Variants in FBXL2 observed in about 807,000 individuals in gnomAD.
FBXL2 encodes the protein F-box and leucine rich repeat protein 2.
FBXL2 carries 38 observed loss-of-function variants against 69.2 expected under a neutral mutation model. The ratio of observed to expected loss-of-function variants is 0.55; its 90% CI spans 0.42 to 0.72. The LOEUF is 0.72. Among genes scored for constraint, FBXL2 ranks in the 30% least tolerant of loss-of-function variants. The pLI, the probability that FBXL2 is intolerant of heterozygous loss-of-function variation, is 0.00. For synonymous variants in FBXL2, 192 were observed against 201.3 expected, an observed-to-expected ratio of 0.95 and a Z score of 0.39; for missense variants, 354 against 520.3, an observed-to-expected ratio of 0.68 and a Z score of 3.11.
chr3:33,328,078 C>T (rs1160721309), intron 2 of FBXL2, among the ~76,000 whole-genome samples: 1 of 151,336 alleles, frequency 6.6e-6, no homozygotes, highest in Admixed American at 6.6e-5. Context: ...GAAAAAGACA[C>T]TGAAAAAAGC....
chr3:33,297,938 TG>T, intron 2 of FBXL2: 2 of 596,796 alleles, frequency 3.4e-6, no homozygotes, highest in Non-Finnish European at 6.2e-6. Context: ...TACATAGCAT[TG>T]GTCTGGATTC....
downstream of FBXL2, chr3:33,392,504 G>C: frequency 6.9e-7 from 1 of 1,445,676 alleles, no homozygotes; most frequent in South Asian, 1.3e-5. Flanking sequence ...GCACTAATTA[G>C]AGGCACACAC....
Position 33,277,517 on chromosome 3 carries a change from T to C in FBXL2, c.3+2T>C. 1 of 1,304,748 alleles carries C rather than the reference T, an allele frequency of 7.7e-7. No homozygotes were observed. 80.8% of individuals were successfully genotyped at this position (1,304,748 alleles called of 1,614,324 possible). On this transcript the variant is annotated splice_donor_variant, in intron 1 of 14. Coordinates refer to ENST00000484457, the MANE Select transcript of FBXL2 (RefSeq NM_012157.5). LOFTEE classifies it high-confidence loss of function. ...CTCGCTCGCGGCTCTTCGGCCATGG[T>C]GAGTCTGGGACCCGCGTCTGCCTAG...
rs1047003807 is a variant in FBXL2, at chr3:33,387,704, C to T, written c.*2096C>T. 1.1e-4 allele frequency: 16 copies of T among 152,198 alleles called. No individual in the cohort carries two copies. The highest frequency in any genetic ancestry group is 3.6e-4 in the African/African-American group (15 of 41,444). 9.4% of individuals were successfully genotyped at this position (152,198 alleles called of 1,614,324 possible). On this transcript the variant is annotated 3_prime_UTR_variant, in exon 15 of 15. Coordinates refer to ENST00000484457, the MANE Select transcript of FBXL2 (RefSeq NM_012157.5). ...AGCCAGGATACAACCTATCATCAGT[C>T]ACAGCTATTGGACTTGATGCTCAAT...
At chr3:33,296,858 T>A (rs546826045) in intron 1 of FBXL2, among the ~76,000 whole-genome samples, 1 of 152,310 alleles carries the variant, frequency 6.6e-6, no homozygotes, top group East Asian at 1.9e-4. Flanking sequence ...CTTTTCAAGA[T>A]GATTTTAGTT....
In FBXL2 at chr3:33,368,363, G is replaced by A. The variant is rs1232332927; in HGVS notation, c.290+3644G>A. ...ACAGTCCTATCAGCTCTTGCTTCAA[G>A]TATTTTGAAGCTCTGTTACTATGTA... On this transcript the variant is annotated intron_variant, in intron 5 of 14. Coordinates refer to ENST00000484457, the MANE Select transcript of FBXL2 (RefSeq NM_012157.5). Among the ~76,000 whole-genome samples the A allele has an allele frequency of 3.3e-5, 5 of 152,150 alleles. 1 individual carries two copies.
intron 2 of FBXL2, 138 bp downstream of exon 2, chr3:33,297,863 T>C: frequency 1.5e-6 from 1 of 684,660 alleles, no homozygotes; most frequent in Non-Finnish European, 2.7e-6. Context: ...TGTTTTTGTT[T>C]TATAGAATGC....
At chr3:33,417,059 A>ATCTGCC in the FBXL2 span, among the ~76,000 whole-genome samples, 2 of 152,194 alleles carry the variant, frequency 1.3e-5, no homozygotes, top group African/African-American at 4.8e-5. Context: ...ATTTATCTTC[A>ATCTGCC]TCTGCCACTC....
intron 2 of FBXL2, among the ~76,000 whole-genome samples, chr3:33,352,070 T>G (rs1214085770): frequency 6.6e-6 from 1 of 152,146 alleles, no homozygotes; most frequent in Non-Finnish European, 1.5e-5. Context: ...GGACTAATTT[T>G]AAGACTTAGT....
At chr3:33,406,358 C>G (rs2044427439), downstream of FBXL2, among the ~76,000 whole-genome samples, 1 of 152,236 alleles carries the variant, frequency 6.6e-6, no homozygotes, top group Admixed American at 6.5e-5. Flanking sequence ...AGCTGACTAG[C>G]AAATCTAATC....
At chr3:33,416,376 T>C in the FBXL2 span, among the ~76,000 whole-genome samples, 1 of 152,184 alleles carries the variant, frequency 6.6e-6, no homozygotes, top group Admixed American at 6.5e-5. Context: ...GATACATGAG[T>C]AGGGTGAACA....
intron 2 of FBXL2, among the ~76,000 whole-genome samples, chr3:33,335,944 G>T (rs187565494): frequency 1.5e-3 from 232 of 152,264 alleles, no homozygotes; most frequent in Non-Finnish European, 2.8e-3. Flanking sequence ...GCAAGTTTAA[G>T]ACCTAAAAAA....
At chr3:33,307,183 C>T (rs1320788828) in intron 2 of FBXL2, among the ~76,000 whole-genome samples, 1 of 152,136 alleles carries the variant, frequency 6.6e-6, no homozygotes, top group Non-Finnish European at 1.5e-5. Flanking sequence ...AAGTTGGCAT[C>T]ACTGGTAACA....
intron 2 of FBXL2, among the ~76,000 whole-genome samples, chr3:33,342,896 T>G (rs1224083950): frequency 6.9e-6 from 1 of 144,252 alleles, no homozygotes; most frequent in African/African-American, 2.6e-5. Context: ...CCCAGCTGTT[T>G]TTTTTTTTTT....
chr3:33,326,458 G>A (rs969339101), intron 2 of FBXL2, among the ~76,000 whole-genome samples: 15 of 149,732 alleles, frequency 1.0e-4, no homozygotes, highest in Admixed American at 2.0e-4. Flanking sequence ...AGCCGAGATC[G>A]CTCTACCACT....
At chr3:33,401,197 G>A (rs985885415) in intron 12 of FBXL2, among the ~76,000 whole-genome samples, 4 of 152,120 alleles carry the variant, frequency 2.6e-5, no homozygotes, top group Non-Finnish European at 5.9e-5. Flanking sequence ...ACATGATGAC[G>A]AAATTAAGAC....
At chr3:33,400,142 AAAAAC>A in intron 12 of FBXL2, 3 of 1,278,182 alleles carry the variant, frequency 2.3e-6, no homozygotes, top group Non-Finnish European at 3.1e-6. Flanking sequence ...GCACAGAAAC[AAAAAC>A]AAAACATTCT....
chr3:33,310,236 C>G (rs993138859), intron 2 of FBXL2, among the ~76,000 whole-genome samples: 2 of 152,080 alleles, frequency 1.3e-5, no homozygotes, highest in African/African-American at 4.8e-5. Context: ...ACTGCAATCT[C>G]TGCCTCCTGG....
intron 2 of FBXL2, among the ~76,000 whole-genome samples, chr3:33,304,246 A>T (rs1316806350): frequency 1.3e-4 from 20 of 152,180 alleles, no homozygotes; most frequent in Non-Finnish European, 2.1e-4. Flanking sequence ...TAGTATAAGG[A>T]ATGTACATAA....
Sources: gnomAD v4.1 joint callset for allele counts (sites outside exome capture counted in the v4.1 genomes callset) on GRCh38, gnomAD v4.1.1 for gene constraint, MANE v1.5 for transcripts, NCBI Gene and HGNC (gene_info 2026-07-23, HGNC 2026-07-21) for gene names.